The following SLCO2A1 variants were observed in gnomAD, a reference collection of about 807,000 sequenced individuals.
SLCO2A1 encodes the protein matrin F/G 1.
SLCO2A1 carries 60 observed loss-of-function variants against 71.7 expected under a neutral mutation model. The observed-to-expected ratio is 0.84, with a 90% CI of 0.68 to 1.04. The LOEUF (loss-of-function observed/expected upper bound fraction) is 1.04, where lower values mean the gene tolerates loss of function less well. SLCO2A1 is among the 50% of genes least tolerant of loss of function. The probability of loss-of-function intolerance (pLI) is 0.00; values close to 1 mark genes in which losing one functional copy is unlikely to be tolerated. For missense variants in SLCO2A1, 745 were observed against 813.4 expected (o/e 0.92, Z 1.02); for synonymous variants, 308 against 326.7 (o/e 0.94, Z 0.62).
chr3:133,972,375 A>G (rs1299782080), intron 3 of SLCO2A1, among the ~76,000 whole-genome samples: 2 of 152,190 alleles, frequency 1.3e-5, no homozygotes, highest in African/African-American at 4.8e-5. Flanking sequence ...AGGTTAAGAG[A>G]CAAGGAGGCC....
intron 6 of SLCO2A1, 21 bp from the exon 7 acceptor site, chr3:133,948,992 G>A (rs769526113): frequency 1.9e-6 from 3 of 1,603,020 alleles, no homozygotes; most frequent in East Asian, 4.5e-5. Flanking sequence ...TAAAAGGGGT[G>A]AGTGTTCACG....
intron 9 of SLCO2A1, 126 bp from the exon 10 acceptor site, chr3:133,945,386 TG>T (rs1933548658): frequency 1.1e-6 from 1 of 932,802 alleles, no homozygotes. Context: ...TTTGGGCCAG[TG>T]CCACCCTGGG....
At chr3:134,001,349 A>G (rs1197037879) in intron 1 of SLCO2A1, among the ~76,000 whole-genome samples, 1 of 152,076 alleles carries the variant, frequency 6.6e-6, no homozygotes, top group Non-Finnish European at 1.5e-5. Context: ...GGCCTCAGGT[A>G]ATCCACCCCC....
chr3:134,009,805 CAA>C (rs1935295055), intron 1 of SLCO2A1, among the ~76,000 whole-genome samples: 1 of 152,188 alleles, frequency 6.6e-6, no homozygotes, highest in South Asian at 2.1e-4. Context: ...AATCAAATAG[CAA>C]AGTCTGGCTC....
At chr3:134,023,807 C>G (rs143302754) in intron 1 of SLCO2A1, among the ~76,000 whole-genome samples, 1 of 152,312 alleles carries the variant, frequency 6.6e-6, no homozygotes, top group South Asian at 2.1e-4. Context: ...AGGTCAGAGG[C>G]CCAGACTGTC....
chr3:133,953,485 G>T (rs1036855109), intron 5 of SLCO2A1, among the ~76,000 whole-genome samples, 178 bp downstream of exon 5: 3 of 152,260 alleles, frequency 2.0e-5, no homozygotes, highest in African/African-American at 7.2e-5. Flanking sequence ...CCTGAGAGAG[G>T]AGGCACACAC....
Position 133,973,650 on chromosome 3 carries a change from G to C in SLCO2A1, c.397+13C>G. The C allele has an allele frequency of 6.2e-7, 1 of 1,613,078 alleles. No homozygotes were observed. Among genetic ancestry groups the C allele is most frequent in the East Asian group, 2.2e-5 (1 of 44,874 alleles). Reference sequence around the variant, plus strand: ...TTCCTTACCCCTTGAGGCAGGGGTTGGAAGCCACTCACCAGTGCTGGCCAA... The same window carrying C: ...TTCCTTACCCCTTGAGGCAGGGGTTCGAAGCCACTCACCAGTGCTGGCCAA... On this transcript the variant is annotated intron_variant, in intron 3 of 13. Transcript: ENST00000310926.
intron 2 of SLCO2A1, among the ~76,000 whole-genome samples, chr3:133,974,056 A>G (rs893565909): frequency 1.3e-5 from 2 of 152,228 alleles, no homozygotes; most frequent in Non-Finnish European, 2.9e-5. Flanking sequence ...CTGGGTCTCC[A>G]TCTCCTAGAC....
At chr3:134,015,718 A>T (rs968602042) in intron 1 of SLCO2A1, among the ~76,000 whole-genome samples, 1 of 152,198 alleles carries the variant, frequency 6.6e-6, no homozygotes. Flanking sequence ...CCAATCAAAA[A>T]CTTGTCAATC....
intron 1 of SLCO2A1, among the ~76,000 whole-genome samples, chr3:134,011,675 C>A (rs1160480794): frequency 6.6e-6 from 1 of 152,214 alleles, no homozygotes; most frequent in Admixed American, 6.5e-5. Flanking sequence ...TTCCCACTAG[C>A]ACTGGGTGAG....
chr3:133,998,971 A>C (rs1337176456), intron 1 of SLCO2A1, among the ~76,000 whole-genome samples: 1 of 152,124 alleles, frequency 6.6e-6, no homozygotes, highest in African/African-American at 2.4e-5. Flanking sequence ...TGCGTATTCT[A>C]ACTCTCTGCC....
intron 1 of SLCO2A1, 77 bp from the exon 2 acceptor site, chr3:133,979,695 C>T: frequency 6.7e-7 from 1 of 1,503,462 alleles, no homozygotes; most frequent in South Asian, 1.3e-5. Flanking sequence ...GTTAGGGGCC[C>T]CGGCAGGCTG....
intron 3 of SLCO2A1, among the ~76,000 whole-genome samples, chr3:133,955,860 C>T (rs1445496275): frequency 6.6e-6 from 1 of 152,184 alleles, no homozygotes; most frequent in Non-Finnish European, 1.5e-5. Flanking sequence ...CTTTAAGACC[C>T]TCTCGTTCAG....
At chr3:133,955,465 G>A (rs1032542090) in intron 3 of SLCO2A1, 16 of 486,248 alleles carry the variant, frequency 3.3e-5, no homozygotes, top group African/African-American at 1.4e-4. Flanking sequence ...TCTTCCTCTC[G>A]TGAGTGTCCA....
At chr3:133,998,145 C>T (rs1394182091) in intron 1 of SLCO2A1, among the ~76,000 whole-genome samples, 2 of 152,206 alleles carry the variant, frequency 1.3e-5, no homozygotes, top group African/African-American at 4.8e-5. Flanking sequence ...ATGGCAGAAT[C>T]CTGTCCCTTC....
rs1935138562 is a variant in SLCO2A1, at chr3:134,003,241, C to T, written c.97-23623G>A. Among the ~76,000 whole-genome samples the T allele has an allele frequency of 2.0e-5, 3 of 152,326 alleles. No individual in the cohort carries two copies. The South Asian group carries it at 6.2e-4, about 32-fold the overall frequency. ...GATTAGCTAAGCAAACACTTGACAC[C>T]TACCAGTTGCAGCCCTAGGAGAAGC... On this transcript the variant is annotated intron_variant, in intron 1 of 13. Coordinates refer to ENST00000310926, the MANE Select transcript of SLCO2A1 (RefSeq NM_005630.3).
intron 1 of SLCO2A1, among the ~76,000 whole-genome samples, chr3:134,015,197 T>A (rs1935421378): frequency 2.0e-5 from 3 of 152,214 alleles, no homozygotes; most frequent in Admixed American, 6.5e-5. Context: ...TCAGCATCCA[T>A]CAGTGGATGA....
At chr3:133,939,700 C>T (rs1933366127) in intron 11 of SLCO2A1, among the ~76,000 whole-genome samples, 1 of 152,230 alleles carries the variant, frequency 6.6e-6, no homozygotes, top group Non-Finnish European at 1.5e-5. Context: ...ATAATAGATA[C>T]CTGCCTTGTC....
At chr3:133,985,101 C>CAGTT (rs1278765882) in intron 1 of SLCO2A1, among the ~76,000 whole-genome samples, 12 of 152,236 alleles carry the variant, frequency 7.9e-5, no homozygotes, top group African/African-American at 2.9e-4. Flanking sequence ...CGGTTGCTTT[C>CAGTT]AGTTCTCCGG....
Sources: allele counts gnomAD v4.1 joint callset (sites outside exome capture counted in the v4.1 genomes callset), GRCh38; gene constraint gnomAD v4.1.1; transcripts MANE v1.5; gene names NCBI Gene and HGNC (gene_info 2026-07-23, HGNC 2026-07-21).